TRIM67: variants seen among roughly 807,000 people sequenced by gnomAD.
TRIM67 encodes the protein tripartite motif containing 67.
TRIM67 carries 39 observed loss-of-function variants against 71.0 expected under a neutral mutation model. The observed-to-expected ratio is 0.55, with a 90% CI of 0.43 to 0.72. The LOEUF (loss-of-function observed/expected upper bound fraction) is 0.72. TRIM67 is among the 30% of genes least tolerant of loss of function. The pLI, the probability that TRIM67 is intolerant of heterozygous loss-of-function variation, is 0.00. For missense variants in TRIM67, 973 were observed against 1,079.2 expected (o/e 0.90, Z 1.38); for synonymous variants, 481 against 473.9 (o/e 1.01, Z -0.19).
intron 1 of TRIM67, among the ~76,000 whole-genome samples, chr1:231,174,606 C>T (rs56317939): frequency 3.5e-4 from 53 of 152,206 alleles, no homozygotes; most frequent in African/African-American, 1.2e-3. Flanking sequence ...CTCTCCCTCT[C>T]CCTTCTCTGT....
At chr1:231,212,502 G>A (rs1032461341) in intron 8 of TRIM67, among the ~76,000 whole-genome samples, 1 of 152,226 alleles carries the variant, frequency 6.6e-6, no homozygotes, top group African/African-American at 2.4e-5. Flanking sequence ...TTCCCAGCTA[G>A]AGAGAGTCTT....
rs375310303 is a variant in TRIM67 at position 231,200,264 on chromosome 1, C to A, written c.1374+6C>A. On this transcript the variant is annotated splice_donor_region_variant and intron_variant, in intron 4 of 9. Transcript: ENST00000366653. ...ACCCCTCCGGGTTCTTACAGGTGAG[C>A]CTGTCCCTGGAAGACACAAAGTGGG... 2.5e-6 allele frequency: 4 copies of A among 1,593,156 alleles called. No individual in the cohort carries two copies. The highest frequency in any genetic ancestry group is 3.4e-6 in the Non-Finnish European group (4 of 1,161,238).
In TRIM67 at chr1:231,200,257, A is replaced by G; in HGVS notation, c.1373A>G (p.Gln458Arg). Residue 458 changes from glutamine to arginine, a missense_variant and splice_region_variant, in exon 4 of 10, where the codon CAG becomes CGG. Physicochemically the swap from Gln to Arg is conservative, Grantham distance 43. Transcript: ENST00000366653. ...GAGAACGACCCCTCCGGGTTCTTAC[A>G]GGTGAGCCTGTCCCTGGAAGACACA... ...IKENDPSGFL[Q>R]ISDALIKRVQ... 2 of 1,607,476 alleles carry G rather than the reference A, an allele frequency of 1.2e-6. No individual in the cohort carries two copies. Among genetic ancestry groups the G allele is most frequent in the Non-Finnish European group, 1.7e-6 (2 of 1,174,172 alleles).
At chr1:231,207,348 G>C (rs776751162) in intron 7 of TRIM67, among the ~76,000 whole-genome samples, 11 of 152,168 alleles carry the variant, frequency 7.2e-5, no homozygotes, top group Non-Finnish European at 1.2e-4. Flanking sequence ...CAGCATCAGA[G>C]CTCACATCCA....
Position 231,206,807 on chromosome 1 carries a change from CT to C in TRIM67, c.1819+19del. The C allele has an allele frequency of 6.4e-7, 1 of 1,572,768 alleles. No individual in the cohort carries two copies. Among genetic ancestry groups the C allele is most frequent in the Non-Finnish European group, 8.6e-7 (1 of 1,160,078 alleles). On this transcript the variant is annotated intron_variant, in intron 7 of 9. Coordinates refer to ENST00000366653, the MANE Select transcript of TRIM67 (RefSeq NM_001004342.5). ...CATCCGATGGTGAGCATCGGGATCT[CT>C]TAGTGGGAAGAACAGATTCATCATT...
intron 1 of TRIM67, among the ~76,000 whole-genome samples, chr1:231,164,982 AGAG>A (rs1339217641): frequency 2.0e-5 from 3 of 152,338 alleles, no homozygotes; most frequent in Admixed American, 6.5e-5. Context: ...TCCACCTTTA[AGAG>A]GAGAATTTGC....
chr1:231,219,391 C>T lies in TRIM67; in HGVS notation c.*3951C>T, dbSNP rs1239630019. The T allele has an allele frequency of 1.0e-6, 1 of 998,838 alleles. No individual in the cohort carries two copies. Among genetic ancestry groups the T allele is most frequent in the African/African-American group, 1.7e-5 (1 of 57,326 alleles). 61.9% of individuals were successfully genotyped at this position (998,838 alleles called of 1,614,324 possible). A position where few individuals can be genotyped will look rare whatever the true frequency, so the allele number is the denominator to read the frequency against. ...TGCCAGTGGTTTGTCATGCATGGAT[C>T]TGTAGAGGGACTGTGGCGCTCCGGC... On this transcript the variant is annotated 3_prime_UTR_variant, in exon 10 of 10. Transcript: ENST00000366653.
At chr1:231,202,500 T>C (rs1236482921) in intron 5 of TRIM67, among the ~76,000 whole-genome samples, 1 of 152,086 alleles carries the variant, frequency 6.6e-6, no homozygotes, top group African/African-American at 2.4e-5. Context: ...AAAGTTTGCA[T>C]AACTTGCCCC....
Position 231,215,410 on chromosome 1 carries a change from C to A in TRIM67, c.2322C>A (p.Asn774Lys). ...TLHTGLEVPT[N>K]LGRPKLSGN ...ACACAGGATTGGAAGTGCCGACTAA[C>A]CTGGGGCGGCCAAAGCTGTCAGGCA... The change falls in exon 10 of 10, where the codon AAC becomes AAA. Residue 774 changes from asparagine (N) to lysine (K), a missense_variant. Coordinates refer to ENST00000366653, the MANE Select transcript of TRIM67 (RefSeq NM_001004342.5). 4.3e-6 allele frequency: 7 copies of A among 1,612,082 alleles called. No individual in the cohort carries two copies. Among genetic ancestry groups the A allele is most frequent in the South Asian group, 1.1e-5 (1 of 90,746 alleles).
chr1:231,198,685 C>T (rs1271031887), intron 2 of TRIM67, among the ~76,000 whole-genome samples: 3 of 152,156 alleles, frequency 2.0e-5, no homozygotes, highest in Non-Finnish European at 4.4e-5. Flanking sequence ...CGCGCCGGGC[C>T]TGTTCTATTA....
At chr1:231,199,587 G>C (rs1287586867) in intron 3 of TRIM67, among the ~76,000 whole-genome samples, 1 of 152,102 alleles carries the variant, frequency 6.6e-6, no homozygotes, top group Non-Finnish European at 1.5e-5. Context: ...TTCCCACCAA[G>C]GGAAGACGAG....
At chr1:231,167,136 C>G in intron 1 of TRIM67, among the ~76,000 whole-genome samples, 1 of 151,718 alleles carries the variant, frequency 6.6e-6, no homozygotes, top group East Asian at 1.9e-4. Flanking sequence ...ATTCTTTTTT[C>G]TTTATAGATA....
intron 1 of TRIM67, among the ~76,000 whole-genome samples, chr1:231,166,690 T>C (rs1271581225): frequency 6.6e-6 from 1 of 152,256 alleles, no homozygotes; most frequent in African/African-American, 2.4e-5. Context: ...TCTCTGGTGT[T>C]ACTGCAGCTT....
intron 1 of TRIM67, among the ~76,000 whole-genome samples, chr1:231,195,054 G>T (rs1212290312): frequency 6.6e-6 from 1 of 152,162 alleles, no homozygotes; most frequent in East Asian, 1.9e-4. Flanking sequence ...ATGTCAGTAG[G>T]TTATGTATTA....
At position 231,220,080 on chromosome 1, in the gene TRIM67, T is replaced by C. The variant is rs1684104069; in HGVS notation, c.*4640T>C. The C allele has an allele frequency of 7.2e-6, 5 of 693,722 alleles. No homozygotes were observed. The South Asian group carries it at 7.8e-5, about 11-fold the overall frequency. The allele number at this position is 693,722 out of a possible 1,614,324, so 43.0% of individuals were successfully genotyped here. ...CTCCTCTGATGTATTGTGAGGATTA[T>C]ACAATAACATTTTTAAAGAAAAAAA... On this transcript the variant is annotated 3_prime_UTR_variant, in exon 10 of 10. Coordinates refer to ENST00000366653, the MANE Select transcript of TRIM67 (RefSeq NM_001004342.5).
rs377645030 is a variant in TRIM67 at position 231,203,880 on chromosome 1, C to T, written c.1548C>T (p.Pro516=). Residue 516 remains proline, a synonymous_variant, in exon 6 of 10, where the codon CCC becomes CCT. Transcript: ENST00000366653. ...IQMKCRVPPV[P]LLQLEKCCTR... ...TCCCCCTCGCAGTGCCACCCGTCCCCCTACTGCAGCTGGAGAAATGCTGCA... is the reference window on the plus strand; with the variant it reads ...TCCCCCTCGCAGTGCCACCCGTCCCTCTACTGCAGCTGGAGAAATGCTGCA... 4 of 1,613,702 alleles carry T rather than the reference C, an allele frequency of 2.5e-6. No individual in the cohort carries two copies. Among genetic ancestry groups the T allele is most frequent in the Admixed American group, 3.3e-5 (2 of 60,022 alleles).
At chr1:231,206,290 A>T (rs1349991050) in intron 6 of TRIM67, among the ~76,000 whole-genome samples, 1 of 150,288 alleles carries the variant, frequency 6.7e-6, no homozygotes, top group Admixed American at 6.6e-5. Context: ...TATATATATA[A>T]ATTAGCTGGG....
rs1038536829 is a variant in TRIM67 at position 231,219,333 on chromosome 1, G to T, written c.*3893G>T. ...CTGTCGACATTGCTAGGTATCTCCTGGGGGCCTCCACAAGTTGAGAACCAC... is the reference window on the plus strand; with the variant it reads ...CTGTCGACATTGCTAGGTATCTCCTTGGGGCCTCCACAAGTTGAGAACCAC... On this transcript the variant is annotated 3_prime_UTR_variant, in exon 10 of 10. Transcript: ENST00000366653. The T allele has an allele frequency of 2.9e-5, 29 of 986,660 alleles. No homozygotes were observed. The highest frequency in any genetic ancestry group is 4.7e-5 in the South Asian group (1 of 21,376). 61.1% of individuals were successfully genotyped at this position (986,660 alleles called of 1,614,324 possible).
chr1:231,211,183 A>G (rs1349493966), intron 8 of TRIM67, among the ~76,000 whole-genome samples: 2 of 151,304 alleles, frequency 1.3e-5, no homozygotes, highest in East Asian at 3.9e-4. Context: ...TGTGGTGCAG[A>G]CTCCCCAGCT....
Sources: gnomAD v4.1 joint callset for allele counts (sites outside exome capture counted in the v4.1 genomes callset) on GRCh38, gnomAD v4.1.1 for gene constraint, MANE v1.5 for transcripts, NCBI Gene and HGNC (gene_info 2026-07-23, HGNC 2026-07-21) for gene names.